WFDC1: variants seen among roughly 807,000 people sequenced by gnomAD.
WFDC1 encodes the protein WAP four-disulfide core domain 1.
WFDC1 carries 39 observed loss-of-function variants against 32.9 expected under a neutral mutation model. The observed-to-expected ratio is 1.19, with a 90% CI of 0.92 to 1.55. WFDC1 has a LOEUF of 1.55. WFDC1 is among the 40% of genes most tolerant of loss of function. The probability of loss-of-function intolerance (pLI) is 0.00; values close to 1 mark genes in which losing one functional copy is unlikely to be tolerated. For synonymous variants in WFDC1, 184 were observed against 137.4 expected (o/e 1.34, Z -2.37); for missense variants, 386 against 309.5 (o/e 1.25, Z -1.85).
In WFDC1 at chr16:84,296,165, T is replaced by C. The variant is rs141071228; in HGVS notation, c.144+1050T>C. 3.3e-5 allele frequency among the ~76,000 whole-genome samples: 5 copies of C among 152,248 alleles called. No homozygotes were observed. In the East Asian group the frequency reaches 9.7e-4, roughly 29 times the overall value. On this transcript the variant is annotated intron_variant, in intron 1 of 6. Transcript: ENST00000219454. ...GCACACAGAGGGCTCAAGAAGGTAA[T>C]GCTGGCACCCACAGCACCTGTGTGA...
chr16:84,328,157 A>G (rs1198875720), intron 6 of WFDC1: 1 of 152,660 alleles, frequency 6.6e-6, no homozygotes, highest in Non-Finnish European at 1.5e-5. Context: ...GAGTTGGAAG[A>G]GTGAAAGTAC....
intron 2 of WFDC1, chr16:84,317,325 TAAATAAATAAATAAG>T (rs999563524): frequency 8.1e-6 from 1 of 124,120 alleles, no homozygotes; most frequent in African/African-American, 3.2e-5. Flanking sequence ...AATAAATAAA[TAAATAAATAAATAAG>T]AAGTAAATAA....
chr16:84,300,921 G>C (rs1265186458), intron 1 of WFDC1, among the ~76,000 whole-genome samples: 1 of 151,856 alleles, frequency 6.6e-6, no homozygotes, highest in Non-Finnish European at 1.5e-5. Context: ...GTTGCAGTGA[G>C]CCAAGATCAT....
intron 3 of WFDC1, chr16:84,318,633 G>C (rs909831020): frequency 2.8e-6 from 1 of 352,530 alleles, no homozygotes; most frequent in Non-Finnish European, 5.4e-6. Context: ...GCTTAGGGTT[G>C]GTTTTCAAAT....
chr16:84,312,029 G>A (rs1907662773), intron 1 of WFDC1, among the ~76,000 whole-genome samples: 1 of 152,018 alleles, frequency 6.6e-6, no homozygotes, highest in South Asian at 2.1e-4. Context: ...GCCGGGTGTG[G>A]TGGCACATGC....
Position 84,297,642 on chromosome 16 carries a change from A to G in WFDC1, c.144+2527A>G, listed in dbSNP as rs866334089. Among the ~76,000 whole-genome samples, 83 of 119,868 alleles carry G rather than the reference A, an allele frequency of 6.9e-4. 1 individual carries two copies. Among genetic ancestry groups the G allele is most frequent in the African/African-American group, 7.6e-4 (25 of 32,752 alleles). The allele number at this position is 119,868 out of a possible 152,430, so 78.6% of individuals were successfully genotyped here. On this transcript the variant is annotated intron_variant, in intron 1 of 6. Transcript: ENST00000219454. ...CAAAAAAAAAAAAAAAAAAAAAAAA[A>G]AAAAACTGTGCCTCAGAGAAAGCCC...
At chr16:84,308,936 T>C (rs977268250) in intron 1 of WFDC1, among the ~76,000 whole-genome samples, 2 of 152,034 alleles carry the variant, frequency 1.3e-5, no homozygotes, top group Admixed American at 1.3e-4. Flanking sequence ...ATCCTGGGTG[T>C]AGACACCATC....
At chr16:84,317,789 G>C (rs566587576) in intron 2 of WFDC1, 1 of 163,668 alleles carries the variant, frequency 6.1e-6, no homozygotes, top group Admixed American at 5.7e-5. Context: ...CAACCTGTGA[G>C]GCATTTTCTT....
At chr16:84,301,239 T>C (rs1906913254) in intron 1 of WFDC1, among the ~76,000 whole-genome samples, 1 of 152,162 alleles carries the variant, frequency 6.6e-6, no homozygotes, top group African/African-American at 2.4e-5. Flanking sequence ...AAGAATCCAC[T>C]TGTGTTGTTT....
chr16:84,314,809 T>G (rs551887618), intron 2 of WFDC1, among the ~76,000 whole-genome samples: 6 of 152,196 alleles, frequency 3.9e-5, no homozygotes, highest in Non-Finnish European at 8.8e-5. Context: ...TCAAAAATGG[T>G]GCCCCTTCCT....
At chr16:84,300,914 G>A (rs1007482303) in intron 1 of WFDC1, among the ~76,000 whole-genome samples, 2 of 152,050 alleles carry the variant, frequency 1.3e-5, no homozygotes, top group East Asian at 1.9e-4. Flanking sequence ...GGTGGACGTT[G>A]CAGTGAGCCA....
At chr16:84,300,924 A>C (rs550400803) in intron 1 of WFDC1, among the ~76,000 whole-genome samples, 3 of 152,188 alleles carry the variant, frequency 2.0e-5, no homozygotes, top group East Asian at 3.9e-4. Context: ...GCAGTGAGCC[A>C]AGATCATGCC....
intron 3 of WFDC1, 38 bp downstream of exon 3, chr16:84,318,393 C>T (rs372609151): frequency 6.3e-7 from 1 of 1,597,868 alleles, no homozygotes; most frequent in Non-Finnish European, 8.6e-7. Flanking sequence ...ACATCCAAGC[C>T]TCGATCCCTC....
intron 2 of WFDC1, among the ~76,000 whole-genome samples, chr16:84,313,507 T>C (rs1907771642): frequency 6.6e-6 from 1 of 152,060 alleles, no homozygotes; most frequent in Non-Finnish European, 1.5e-5. Context: ...AGGATGCGGG[T>C]GCAGTGGGAT....
At chr16:84,322,253 CT>C (rs1302885123) in intron 4 of WFDC1, among the ~76,000 whole-genome samples, 2 of 151,482 alleles carry the variant, frequency 1.3e-5, no homozygotes, top group Non-Finnish European at 2.9e-5. Flanking sequence ...GGAATTCCCC[CT>C]AGCCTTGTTC....
intron 1 of WFDC1, among the ~76,000 whole-genome samples, chr16:84,309,116 G>A (rs762383031): frequency 2.0e-5 from 3 of 152,218 alleles, no homozygotes; most frequent in East Asian, 1.9e-4. Flanking sequence ...CTGCTCTGCC[G>A]GATGAGACAA....
chr16:84,306,769 T>TCATCA (rs1907285554), intron 1 of WFDC1, among the ~76,000 whole-genome samples: 1 of 151,376 alleles, frequency 6.6e-6, no homozygotes, highest in African/African-American at 2.4e-5. Context: ...CATCCTCATC[T>TCATCA]TCATCATCAT....
Position 84,294,895 on chromosome 16 carries a change from G to A in WFDC1, c.-77G>A. 2 of 1,560,158 alleles carry A rather than the reference G, an allele frequency of 1.3e-6. No individual in the cohort carries two copies. The highest frequency in any genetic ancestry group is 1.7e-6 in the Non-Finnish European group (2 of 1,154,236). The stretch of plus-strand genomic sequence containing the variant: ...AGTCCAGCAGACTGTGCACGCTCCT[G>A]TCCCCACTCACAGGCCCACGCAGCG... On this transcript the variant is annotated 5_prime_UTR_variant, in exon 1 of 7. Transcript: ENST00000219454.
rs751867533 is a variant in WFDC1 at position 84,322,145 on chromosome 16, C to CTGTGTGTGTG, written c.563-2269_563-2260dup. On this transcript the variant is annotated intron_variant, in intron 4 of 6. Coordinates refer to ENST00000219454, the MANE Select transcript of WFDC1 (RefSeq NM_021197.4). ...CAAGACTGTCCACCAGCCTCAGAGC[C>CTGTGTGTGTG]TGTGTGTGTGTGTGCGTGTGTGTGT... Among the ~76,000 whole-genome samples, 182 of 109,444 alleles carry CTGTGTGTGTG rather than the reference C, an allele frequency of 1.7e-3. 1 individual carries two copies. The highest frequency in any genetic ancestry group is 0.012 in the East Asian group (52 of 4,310). The allele number at this position is 109,444 out of a possible 152,430, so 71.8% of individuals were successfully genotyped here.
Sources: allele counts gnomAD v4.1 joint callset (sites outside exome capture counted in the v4.1 genomes callset), GRCh38; gene constraint gnomAD v4.1.1; transcripts MANE v1.5; gene names NCBI Gene and HGNC (gene_info 2026-07-23, HGNC 2026-07-21).